Variants in LRRTM4 observed in about 807,000 individuals in gnomAD.
LRRTM4 encodes leucine-rich repeat transmembrane neuronal protein 4.
LRRTM4 carries 25 observed loss-of-function variants against 47.6 expected under a neutral mutation model. The ratio of observed to expected loss-of-function variants is 0.53; its 90% confidence interval spans 0.38 to 0.73. LRRTM4 has a LOEUF of 0.73. Ranked by LOEUF, LRRTM4 falls within the 30% of genes least tolerant of loss-of-function variation. The probability of loss-of-function intolerance (pLI) is 0.00; values close to 1 mark genes in which losing one functional copy is unlikely to be tolerated. For missense variants in LRRTM4, 638 were observed against 713.4 expected, an observed-to-expected ratio of 0.89 and a Z score of 1.20; for synonymous variants, 311 against 269.5, an observed-to-expected ratio of 1.15 and a Z score of -1.51.
chr2:77,325,441 A>G (rs556174735), intron 3 of LRRTM4, among the ~76,000 whole-genome samples: 25 of 152,288 alleles, frequency 1.6e-4, no homozygotes, highest in African/African-American at 6.0e-4. Flanking sequence ...TCACTTAGCT[A>G]TATAGGGCTC....
intron 3 of LRRTM4, among the ~76,000 whole-genome samples, chr2:77,043,241 C>A (rs1679096622): frequency 6.6e-6 from 1 of 151,778 alleles, no homozygotes; most frequent in Non-Finnish European, 1.5e-5. Context: ...GAAGTTGCCT[C>A]TAGTCTACCC....
intron 3 of LRRTM4, among the ~76,000 whole-genome samples, chr2:76,903,420 C>T (rs1450384831): frequency 2.0e-5 from 3 of 151,712 alleles, no homozygotes; most frequent in Non-Finnish European, 2.9e-5. Flanking sequence ...CCTGTAGTCC[C>T]AGCTACTCGG....
intron 3 of LRRTM4, among the ~76,000 whole-genome samples, chr2:76,916,352 T>C (rs147065097): frequency 0.17 from 20,840 of 124,618 alleles, 1,905 homozygotes; most frequent in Admixed American, 0.29. Flanking sequence ...GCCACCGCAC[T>C]CCAGCCTGGG....
At chr2:77,322,200 C>T (rs537509630) in intron 3 of LRRTM4, among the ~76,000 whole-genome samples, 22 of 152,092 alleles carry the variant, frequency 1.4e-4, no homozygotes, top group African/African-American at 4.3e-4. Context: ...TGCAATTATA[C>T]GAATAGATTT....
intron 3 of LRRTM4, among the ~76,000 whole-genome samples, chr2:77,183,562 C>T (rs71413785): frequency 0.11 from 17,248 of 152,028 alleles, 2,611 homozygotes; most frequent in African/African-American, 0.35. Context: ...ACCATGTGAC[C>T]CAGCCATCCC....
chr2:77,088,693 G>A (rs2103877109), intron 3 of LRRTM4, among the ~76,000 whole-genome samples: 1 of 152,204 alleles, frequency 6.6e-6, no homozygotes, highest in Admixed American at 6.5e-5. Context: ...GCCGTGACTT[G>A]GATCAGGGGA....
chr2:77,083,542 T>A (rs555660763), intron 3 of LRRTM4, among the ~76,000 whole-genome samples: 14 of 152,184 alleles, frequency 9.2e-5, no homozygotes, highest in Admixed American at 7.9e-4. Context: ...TGAAAGCTAG[T>A]CCTGAAAATA....
intron 3 of LRRTM4, among the ~76,000 whole-genome samples, chr2:77,492,703 T>C (rs995392020): frequency 1.3e-5 from 2 of 152,190 alleles, no homozygotes; most frequent in African/African-American, 4.8e-5. Flanking sequence ...AGATCCATTA[T>C]GAAATTAAGA....
At chr2:77,023,989 A>T (rs1322332891) in intron 3 of LRRTM4, among the ~76,000 whole-genome samples, 1 of 152,218 alleles carries the variant, frequency 6.6e-6, no homozygotes, top group Non-Finnish European at 1.5e-5. Flanking sequence ...TTACAGTTCC[A>T]CATGGCTGGG....
chr2:76,750,461 ACT>A (rs1672813362), intron 3 of LRRTM4, among the ~76,000 whole-genome samples: 1 of 152,124 alleles, frequency 6.6e-6, no homozygotes, highest in Admixed American at 6.6e-5. Flanking sequence ...TTGGTTAATA[ACT>A]CTATATCCAG....
intron 3 of LRRTM4, among the ~76,000 whole-genome samples, chr2:77,509,259 C>T (rs973202685): frequency 3.5e-5 from 5 of 143,744 alleles, no homozygotes; most frequent in Non-Finnish European, 6.1e-5. Flanking sequence ...CAAAAACAAA[C>T]AAACAAACTG....
intron 3 of LRRTM4, among the ~76,000 whole-genome samples, chr2:77,343,991 G>A (rs751923917): frequency 1.8e-4 from 27 of 151,734 alleles, no homozygotes; most frequent in Non-Finnish European, 3.1e-4. Context: ...CGAAGGATAC[G>A]ATGGCTTTAA....
At chr2:76,988,485 TTTC>T (rs963478680) in intron 3 of LRRTM4, among the ~76,000 whole-genome samples, 1 of 151,800 alleles carries the variant, frequency 6.6e-6, no homozygotes, top group African/African-American at 2.4e-5. Context: ...ACACAAGAGT[TTTC>T]TTTTTTCCCT....
At chr2:76,888,432 A>G (rs1482723210) in intron 3 of LRRTM4, among the ~76,000 whole-genome samples, 1 of 151,544 alleles carries the variant, frequency 6.6e-6, no homozygotes, top group Admixed American at 6.6e-5. Flanking sequence ...TCAAAAGTTT[A>G]ACAGTTATTC....
At chr2:76,827,567 G>T (rs563910222) in intron 3 of LRRTM4, among the ~76,000 whole-genome samples, 1 of 151,808 alleles carries the variant, frequency 6.6e-6, no homozygotes. Context: ...GTATTTCATA[G>T]CATTGAAACA....
chr2:76,796,186 A>AT (rs1313411375), intron 3 of LRRTM4, among the ~76,000 whole-genome samples: 1 of 143,154 alleles, frequency 7.0e-6, no homozygotes, highest in African/African-American at 2.6e-5. Context: ...AGCCTCGCTG[A>AT]TTGCTAGCAC....
chr2:77,099,899 T>G (rs1320802825), intron 3 of LRRTM4, among the ~76,000 whole-genome samples: 1 of 152,128 alleles, frequency 6.6e-6, no homozygotes, highest in Non-Finnish European at 1.5e-5. Context: ...TTATGTATTT[T>G]TTGTGAGTGT....
At chr2:76,906,691 G>A (rs1371103028) in intron 3 of LRRTM4, among the ~76,000 whole-genome samples, 2 of 151,778 alleles carry the variant, frequency 1.3e-5, no homozygotes, top group Non-Finnish European at 2.9e-5. Flanking sequence ...GGCAGGGGTT[G>A]CAATCCTAGT....
At chr2:76,973,291 A>C (rs539671321) in intron 3 of LRRTM4, among the ~76,000 whole-genome samples, 1 of 152,070 alleles carries the variant, frequency 6.6e-6, no homozygotes, top group South Asian at 2.1e-4. Flanking sequence ...TTTCTATTTT[A>C]TTATATTTAT....
Sources: gnomAD v4.1 joint callset for allele counts (sites outside exome capture counted in the v4.1 genomes callset) on GRCh38, gnomAD v4.1.1 for gene constraint, MANE v1.5 for transcripts, NCBI Gene and HGNC (gene_info 2026-07-23, HGNC 2026-07-21) for gene names.